The following ZNF419 variants were observed in gnomAD, a reference collection of about 807,000 sequenced individuals.
The protein encoded by ZNF419 is zinc finger protein 419A.
Under a neutral mutation model 14.9 loss-of-function variants are expected in ZNF419, and 8 were observed. The observed-to-expected ratio is 0.54, with a 90% CI of 0.32 to 0.97. The LOEUF (loss-of-function observed/expected upper bound fraction) is 0.97. ZNF419 is among the 50% of genes least tolerant of loss of function. ZNF419 has a pLI of 0.04. For missense variants in ZNF419, 595 were observed against 607.2 expected (o/e 0.98, Z 0.21); for synonymous variants, 211 against 205.3 (o/e 1.03, Z -0.24).
At chr19:57,490,541 G>A (rs2089458423) in intron 2 of ZNF419, 1 of 172,134 alleles carries the variant, frequency 5.8e-6, no homozygotes, top group Non-Finnish European at 1.2e-5. Flanking sequence ...TTGGTAGAGA[G>A]GTTTCTCCAC....
chr19:57,487,762 C>T lies in ZNF419; in HGVS notation c.-189C>T, dbSNP rs1383231066. ...CGGCGTCTCGTTTGGTATTCACTTT[C>T]GCGACTCAGGTGAACTAACCTGCGA... On this transcript the variant is annotated 5_prime_UTR_variant, in exon 1 of 5. Transcript: ENST00000221735. The T allele has an allele frequency of 8.2e-6, 6 of 735,554 alleles. No individual in the cohort carries two copies. The highest frequency in any genetic ancestry group is 2.8e-5 in the Admixed American group (1 of 36,248). The allele number at this position is 735,554 out of a possible 1,614,324, so 45.6% of individuals were successfully genotyped here.
In ZNF419 at chr19:57,487,773, T is replaced by A; in HGVS notation, c.-178T>A. 1 of 823,318 alleles carries A rather than the reference T, an allele frequency of 1.2e-6. No individual in the cohort carries two copies. The highest frequency in any genetic ancestry group is 1.7e-5 in the African/African-American group (1 of 58,104). The allele number at this position is 823,318 out of a possible 1,614,324, so 51.0% of individuals were successfully genotyped here. Reference sequence around the variant, plus strand: ...TTGGTATTCACTTTCGCGACTCAGGTGAACTAACCTGCGAGAAGCTGGTTG... The same window carrying A: ...TTGGTATTCACTTTCGCGACTCAGGAGAACTAACCTGCGAGAAGCTGGTTG... On this transcript the variant is annotated 5_prime_UTR_variant, in exon 1 of 5. Transcript: ENST00000221735.
At position 57,490,201 on chromosome 19, in the gene ZNF419, C is replaced by T. The variant is rs763250204; in HGVS notation, c.72+16C>T. 4 of 1,611,976 alleles carry T rather than the reference C, an allele frequency of 2.5e-6. No homozygotes were observed. In the African/African-American group the frequency reaches 5.3e-5, roughly 22 times the overall value. On this transcript the variant is annotated intron_variant, in intron 2 of 4. Transcript: ENST00000221735. Reference sequence around the variant, plus strand: ...CCATGAGGAGGTAAGTGGAGGATGTCTCAGGTCCTCACACTCCTGCACTCC... The same window carrying T: ...CCATGAGGAGGTAAGTGGAGGATGTTTCAGGTCCTCACACTCCTGCACTCC...
Position 57,493,600 on chromosome 19 carries a change from G to T in ZNF419, c.1043G>T (p.Cys348Phe). 2.5e-6 allele frequency: 4 copies of T among 1,613,626 alleles called. No homozygotes were observed. Among genetic ancestry groups the T allele is most frequent in the Non-Finnish European group, 3.4e-6 (4 of 1,179,526 alleles). ...TGERPYKCSE[C>F]GKFYSHKSNL... The stretch of plus-strand genomic sequence containing the variant: ...GAAAGACCTTATAAGTGCAGTGAAT[G>T]TGGAAAATTCTATAGCCACAAGTCC... Residue 348 changes from cysteine (C) to phenylalanine (F), a missense_variant, in exon 5 of 5, where the codon TGT (cysteine) becomes TTT (phenylalanine). Physicochemically the swap from Cys to Phe is radical, Grantham distance 205 (BLOSUM62 -2). Transcript: ENST00000221735.
At chr19:57,492,365 A>T in intron 4 of ZNF419, 154 bp downstream of exon 4, 1 of 907,744 alleles carries the variant, frequency 1.1e-6, no homozygotes, top group South Asian at 1.3e-5. Context: ...CTGATGTTTG[A>T]CCTAGGGCCA....
At chr19:57,489,263 T>C (rs897682174) in intron 1 of ZNF419, 3 of 152,146 alleles carry the variant, frequency 2.0e-5, no homozygotes, top group Non-Finnish European at 4.4e-5. Flanking sequence ...TGTGAATTTA[T>C]GAGGTAAGTA....
chr19:57,489,743 G>A (rs2089441630), intron 1 of ZNF419: 3 of 167,508 alleles, frequency 1.8e-5, no homozygotes, highest in South Asian at 1.4e-4. Flanking sequence ...GCCCACCTCG[G>A]CCTCCCAAAG....
chr19:57,494,301 T>G lies in ZNF419; in HGVS notation c.*211T>G. 1 of 674,598 alleles carries G rather than the reference T, an allele frequency of 1.5e-6. No individual in the cohort carries two copies. 41.8% of individuals were successfully genotyped at this position (674,598 alleles called of 1,614,324 possible). ...CTATTCAACACCAGAAAGTTTACACTGGAGAAAGGCCTTAGGGTGACAGGT... is the reference window on the plus strand; with the variant it reads ...CTATTCAACACCAGAAAGTTTACACGGGAGAAAGGCCTTAGGGTGACAGGT... On this transcript the variant is annotated 3_prime_UTR_variant, in exon 5 of 5. Transcript: ENST00000221735.
intron 1 of ZNF419, chr19:57,489,580 C>T (rs2089437594): frequency 6.7e-6 from 1 of 149,194 alleles, no homozygotes; most frequent in African/African-American, 2.5e-5. Context: ...ACCTCTGCCT[C>T]CCTGGTTCAA....
chr19:57,492,774 GGT>G, intron 4 of ZNF419, 80 bp from the exon 5 acceptor site: 1 of 1,564,944 alleles, frequency 6.4e-7, no homozygotes, highest in Non-Finnish European at 8.8e-7. Context: ...CTAATTACTG[GGT>G]GTGTTAGACA....
rs771667961 is a variant in ZNF419, at chr19:57,493,873, G to C, written c.1316G>C (p.Ser439Thr). 6 of 1,610,968 alleles carry C rather than the reference G, an allele frequency of 3.7e-6. No homozygotes were observed. Among genetic ancestry groups the C allele is most frequent in the Non-Finnish European group, 4.2e-6 (5 of 1,179,200 alleles). Residue 439 changes from serine (S) to threonine (T), a missense_variant, in exon 5 of 5, where the codon AGC becomes ACC. Ser to Thr is a moderately conservative substitution (Grantham distance 58). Coordinates refer to ENST00000221735, the MANE Select transcript of ZNF419 (RefSeq NM_024691.4). Reference protein sequence around the residue: ...CRECGKFFSQSSTLMQHRKVH... With the variant: ...CRECGKFFSQTSTLMQHRKVH... ...GAATGTGGGAAATTTTTTAGCCAAAGCTCAACCCTCATGCAACATCGAAAA... is the reference window on the plus strand; with the variant it reads ...GAATGTGGGAAATTTTTTAGCCAAACCTCAACCCTCATGCAACATCGAAAA...
rs1273751909 is a variant in ZNF419, at chr19:57,493,640, T to C, written c.1083T>C (p.His361=). ...GCCACAAGTCCAACCTTATCAAACA[T>C]TGGCGTGTTCATACTGGAGAAAGGC... The part of the protein sequence containing the change: ...FYSHKSNLIK[H]WRVHTGERPY... Residue 361 remains histidine (H), a synonymous_variant, in exon 5 of 5, where the codon CAT becomes CAC. Coordinates refer to ENST00000221735, the MANE Select transcript of ZNF419 (RefSeq NM_024691.4). The C allele has an allele frequency of 6.2e-7, 1 of 1,613,868 alleles. No homozygotes were observed. Among genetic ancestry groups the C allele is most frequent in the African/African-American group, 1.3e-5 (1 of 74,886 alleles).
Position 57,490,144 on chromosome 19 carries a change from T to A in ZNF419, c.34-3T>A, listed in dbSNP as rs11672136. ...TGGTTCTCATAGTCTTGATTTTCCA[T>A]AGGTTCCTGTGGCTGCAGACTTGCT... On this transcript the variant is annotated splice_region_variant and splice_polypyrimidine_tract_variant and intron_variant, in intron 1 of 4. Transcript: ENST00000221735. The A allele has an allele frequency of 0.37, 596,634 of 1,611,424 alleles. 114,964 individuals are homozygous for A. The highest frequency in any genetic ancestry group is 0.62 in the East Asian group (27,632 of 44,784).
chr19:57,491,653 T>G, intron 3 of ZNF419, 56 bp downstream of exon 3: 1 of 1,613,830 alleles, frequency 6.2e-7, no homozygotes, highest in South Asian at 1.1e-5. Flanking sequence ...TTTTCCTCCT[T>G]TTCCTAGGGA....
chr19:57,494,284 C>T lies in ZNF419; in HGVS notation c.*194C>T. The T allele has an allele frequency of 1.2e-6, 1 of 836,908 alleles. No individual in the cohort carries two copies. Among genetic ancestry groups the T allele is most frequent in the South Asian group, 2.1e-5 (1 of 47,138 alleles). 51.8% of individuals were successfully genotyped at this position (836,908 alleles called of 1,614,324 possible). ...CAGCCAAAGGCCTAACCCTATTCAA[C>T]ACCAGAAAGTTTACACTGGAGAAAG... On this transcript the variant is annotated 3_prime_UTR_variant, in exon 5 of 5. Coordinates refer to ENST00000221735, the MANE Select transcript of ZNF419 (RefSeq NM_024691.4).
Position 57,489,947 on chromosome 19 carries a change from GCCATGT to G in ZNF419, c.34-199_34-194del, listed in dbSNP as rs1398494589. ...CTATTGAGTAAATACCATTATTATT[GCCATGT>G]TGCAGATGGCAACACCAAGGCACAG... On this transcript the variant is annotated intron_variant, in intron 1 of 4. Coordinates refer to ENST00000221735, the MANE Select transcript of ZNF419 (RefSeq NM_024691.4). 10 of 584,120 alleles carry G rather than the reference GCCATGT, an allele frequency of 1.7e-5. No individual in the cohort carries two copies. In the East Asian group the frequency reaches 2.9e-4, roughly 17 times the overall value. 36.2% of individuals were successfully genotyped at this position (584,120 alleles called of 1,614,324 possible).
At position 57,490,220 on chromosome 19, in the gene ZNF419, G is replaced by C. The variant is rs1229376375; in HGVS notation, c.72+35G>C. The C allele has an allele frequency of 6.9e-6, 11 of 1,602,994 alleles. No homozygotes were observed. The Admixed American group carries it at 1.9e-4, about 27-fold the overall frequency. Reference sequence around the variant, plus strand: ...GGATGTCTCAGGTCCTCACACTCCTGCACTCCTACCTACATGGTCTTCAGA... The same window carrying C: ...GGATGTCTCAGGTCCTCACACTCCTCCACTCCTACCTACATGGTCTTCAGA... On this transcript the variant is annotated intron_variant, in intron 2 of 4. Transcript: ENST00000221735.
chr19:57,492,257 T>C (rs570339926), intron 4 of ZNF419, 46 bp downstream of exon 4: 1 of 1,593,086 alleles, frequency 6.3e-7, no homozygotes. Context: ...CAGGGATGGA[T>C]TCATATCATA....
chr19:57,488,598 G>A (rs2089412549), intron 1 of ZNF419: 1 of 152,574 alleles, frequency 6.6e-6, no homozygotes, highest in Admixed American at 6.5e-5. Flanking sequence ...TATCAGGAAG[G>A]ATGGAGATGG....
Sources: gnomAD v4.1 joint callset for allele counts on GRCh38, gnomAD v4.1.1 for gene constraint, MANE v1.5 for transcripts, NCBI Gene and HGNC (gene_info 2026-07-23, HGNC 2026-07-21) for gene names.